The following RANBP17 variants were observed in gnomAD, a reference collection of about 807,000 sequenced individuals.
RANBP17 encodes the protein ran-binding protein 17.
Under a neutral mutation model 141.2 loss-of-function variants are expected in RANBP17, and 158 were observed. That is an observed-to-expected ratio of 1.12 (90% confidence interval 0.98 to 1.28). RANBP17 has a LOEUF of 1.28. Ranked by LOEUF, RANBP17 falls within the 50% of genes most tolerant of loss-of-function variation. The probability of loss-of-function intolerance (pLI) is 0.00; values close to 1 mark genes in which losing one functional copy is unlikely to be tolerated. For synonymous variants in RANBP17, 430 were observed against 450.0 expected (o/e 0.96, Z 0.56); for missense variants, 1,438 against 1,290.7 (o/e 1.11, Z -1.75).
intron 2 of RANBP17, among the ~76,000 whole-genome samples, chr5:170,879,047 A>T (rs1019870345): frequency 2.0e-5 from 3 of 152,170 alleles, no homozygotes; most frequent in African/African-American, 7.2e-5. Context: ...TTTTGGGCGG[A>T]TAACATTTTT....
At chr5:171,237,004 T>C (rs1408819885) in intron 22 of RANBP17, among the ~76,000 whole-genome samples, 2 of 152,122 alleles carry the variant, frequency 1.3e-5, no homozygotes, top group Non-Finnish European at 2.9e-5. Flanking sequence ...GGGAGTCTCT[T>C]CTGAAGAGGA....
At chr5:171,252,571 A>AT (rs1581123303) in intron 24 of RANBP17, 2 of 1,362,560 alleles carry the variant, frequency 1.5e-6, no homozygotes, top group Middle Eastern at 1.8e-4. Flanking sequence ...ACTGCCCATG[A>AT]TTCTAGCTCC....
At chr5:171,279,912 C>T (rs1199827856) in intron 25 of RANBP17, among the ~76,000 whole-genome samples, 20 of 152,064 alleles carry the variant, frequency 1.3e-4, no homozygotes, top group East Asian at 1.9e-4. Flanking sequence ...ACTAAGTTTT[C>T]GCAGGGCCTT....
chr5:171,083,517 A>C (rs1204362485), intron 14 of RANBP17, among the ~76,000 whole-genome samples: 2 of 152,246 alleles, frequency 1.3e-5, no homozygotes, highest in African/African-American at 4.8e-5. Flanking sequence ...AACTAAGACA[A>C]TTACAGTTGA....
chr5:171,113,413 A>G (rs1233614437), intron 14 of RANBP17, among the ~76,000 whole-genome samples: 1 of 152,174 alleles, frequency 6.6e-6, no homozygotes, highest in Non-Finnish European at 1.5e-5. Flanking sequence ...AGTACCTCCT[A>G]TGTTCCAGAC....
intron 14 of RANBP17, among the ~76,000 whole-genome samples, chr5:171,006,416 A>T (rs1035448122): frequency 1.3e-5 from 2 of 152,246 alleles, no homozygotes; most frequent in Admixed American, 6.5e-5. Flanking sequence ...CTATGCAGCC[A>T]TAAAAAATTA....
intron 3 of RANBP17, among the ~76,000 whole-genome samples, chr5:170,885,330 C>G (rs1274008360): frequency 1.3e-5 from 2 of 152,110 alleles, no homozygotes; most frequent in African/African-American, 4.8e-5. Context: ...CCTCAGAATT[C>G]TCATTTTGGG....
intron 1 of RANBP17, among the ~76,000 whole-genome samples, chr5:170,869,390 C>T (rs1160305006): frequency 6.9e-6 from 1 of 144,592 alleles, no homozygotes; most frequent in African/African-American, 2.5e-5. Flanking sequence ...AACTCCTGGG[C>T]TCAAGCCTAC....
At chr5:170,887,757 T>A (rs1025484642) in intron 3 of RANBP17, among the ~76,000 whole-genome samples, 2 of 152,146 alleles carry the variant, frequency 1.3e-5, no homozygotes, top group African/African-American at 4.8e-5. Flanking sequence ...TTCTGGAGGA[T>A]GGAAAGTTCA....
In RANBP17 at chr5:170,918,734, T is replaced by C. The variant is rs762850165; in HGVS notation, c.976T>C (p.Tyr326His). The part of the protein sequence containing the change: ...NPQGLSDPGN[Y>H]HEFCRFLARL... Reference sequence around the variant, plus strand: ...TTAGGGTTTGTCTGATCCAGGTAATTATCATGAATTTTGTCGATTTTTGGC... The same window carrying C: ...TTAGGGTTTGTCTGATCCAGGTAATCATCATGAATTTTGTCGATTTTTGGC... Residue 326 changes from tyrosine (Y) to histidine (H), a missense_variant, in exon 10 of 28, where the codon TAT becomes CAT. Tyr to His is a moderately conservative substitution (Grantham distance 83). Transcript: ENST00000523189. The C allele has an allele frequency of 1.2e-6, 2 of 1,606,276 alleles. No individual in the cohort carries two copies. The highest frequency in any genetic ancestry group is 2.2e-5 in the South Asian group (2 of 89,826).
At chr5:171,111,834 C>G (rs1308528569) in intron 14 of RANBP17, among the ~76,000 whole-genome samples, 1 of 152,144 alleles carries the variant, frequency 6.6e-6, no homozygotes, top group African/African-American at 2.4e-5. Flanking sequence ...TGGTAATTGT[C>G]TATTTCCTTG....
At chr5:170,963,334 G>A (rs545787402) in intron 13 of RANBP17, among the ~76,000 whole-genome samples, 3 of 152,244 alleles carry the variant, frequency 2.0e-5, no homozygotes, top group South Asian at 2.1e-4. Context: ...GAATCTCAGT[G>A]TATCATAGAG....
intron 14 of RANBP17, among the ~76,000 whole-genome samples, chr5:170,990,446 T>C (rs1189028323): frequency 6.6e-6 from 1 of 151,944 alleles, no homozygotes; most frequent in Non-Finnish European, 1.5e-5. Context: ...ATTTTTTTCC[T>C]TCCTCTGAAA....
At chr5:170,894,962 AAACT>A (rs1225096628) in intron 4 of RANBP17, among the ~76,000 whole-genome samples, 1 of 152,174 alleles carries the variant, frequency 6.6e-6, no homozygotes, top group Non-Finnish European at 1.5e-5. Context: ...GACGAGTAAC[AAACT>A]ATTTTCAAAT....
At chr5:171,190,914 A>G (rs1180888120) in intron 18 of RANBP17, among the ~76,000 whole-genome samples, 1 of 152,182 alleles carries the variant, frequency 6.6e-6, no homozygotes, top group Non-Finnish European at 1.5e-5. Flanking sequence ...TGGACATTTC[A>G]TGATTGCATC....
At chr5:170,878,839 C>A (rs1035964444) in intron 2 of RANBP17, among the ~76,000 whole-genome samples, 6 of 152,192 alleles carry the variant, frequency 3.9e-5, no homozygotes, top group Admixed American at 3.9e-4. Context: ...AGTTGTCAAA[C>A]TTTTTCTGTG....
intron 16 of RANBP17, among the ~76,000 whole-genome samples, chr5:171,182,625 A>C (rs928120882): frequency 1.3e-5 from 2 of 152,232 alleles, no homozygotes; most frequent in South Asian, 4.1e-4. Context: ...CCTTTTACGT[A>C]CTAGGCACTT....
intron 1 of RANBP17, among the ~76,000 whole-genome samples, chr5:170,867,700 G>A (rs1314941132): frequency 1.3e-5 from 2 of 152,098 alleles, no homozygotes; most frequent in Non-Finnish European, 2.9e-5. Flanking sequence ...TACTATTAGG[G>A]AACATTTATT....
At chr5:171,185,459 A>G (rs1394767292) in intron 18 of RANBP17, among the ~76,000 whole-genome samples, 5 of 152,324 alleles carry the variant, frequency 3.3e-5, no homozygotes, top group South Asian at 4.1e-4. Context: ...ACTGGAGTCA[A>G]TCCTCTCAAA....
Sources: gnomAD v4.1 joint callset for allele counts (sites outside exome capture counted in the v4.1 genomes callset) on GRCh38, gnomAD v4.1.1 for gene constraint, MANE v1.5 for transcripts, NCBI Gene and HGNC (gene_info 2026-07-23, HGNC 2026-07-21) for gene names.